The following RFX4 variants were observed in gnomAD, a reference collection of about 807,000 sequenced individuals.
RFX4 encodes the protein regulatory factor X4.
A neutral mutation model predicts 95.0 loss-of-function variants in RFX4; 10 were observed. The ratio of observed to expected loss-of-function variants is 0.11; its 90% CI spans 0.06 to 0.18. RFX4 has a LOEUF of 0.18. Ranked by LOEUF, RFX4 falls within the 10% of genes least tolerant of loss-of-function variation. The probability of loss-of-function intolerance (pLI) is 1.00; values close to 1 mark genes in which losing one functional copy is unlikely to be tolerated. For synonymous variants in RFX4, 321 were observed against 340.7 expected (o/e 0.94, Z 0.64); for missense variants, 640 against 922.0 (o/e 0.69, Z 3.96).
chr12:106,683,963 AGTTG>A (rs2041587802), intron 5 of RFX4, among the ~76,000 whole-genome samples: 1 of 152,200 alleles, frequency 6.6e-6, no homozygotes, highest in African/African-American at 2.4e-5. Flanking sequence ...GATACTCCAA[AGTTG>A]GTCACACCTT....
intron 4 of RFX4, among the ~76,000 whole-genome samples, chr12:106,658,895 C>G (rs2041014494): frequency 6.6e-6 from 1 of 152,102 alleles, no homozygotes; most frequent in South Asian, 2.1e-4. Context: ...AGCTTCTGGC[C>G]AACTCACTGC....
At chr12:106,629,888 C>T (rs772725963) in intron 2 of RFX4, among the ~76,000 whole-genome samples, 4 of 152,178 alleles carry the variant, frequency 2.6e-5, no homozygotes, top group Admixed American at 6.5e-5. Context: ...CCAGGAGGCA[C>T]GGTTCGCTCT....
At chr12:106,687,182 TCACACACACACACACA>T (rs56006444) in intron 6 of RFX4, 85 bp downstream of exon 6, 32 of 547,104 alleles carry the variant, frequency 5.8e-5, no homozygotes, top group East Asian at 3.1e-4. Flanking sequence ...TCTCTCTCTC[TCACACACACACACACA>T]CACACACACA....
chr12:106,684,775 G>A (rs1377454367), intron 5 of RFX4: 8 of 1,488,478 alleles, frequency 5.4e-6, no homozygotes, highest in African/African-American at 4.5e-5. Flanking sequence ...GGCAGACTTC[G>A]CTCAGCACAA....
At chr12:106,693,139 A>T (rs1188892253) in intron 7 of RFX4, 1 of 438,710 alleles carries the variant, frequency 2.3e-6, no homozygotes, top group Non-Finnish European at 4.6e-6. Context: ...TTCATGCCTA[A>T]CTTCCAAGCC....
At chr12:106,758,650 C>T (rs2043153959) in intron 17 of RFX4, among the ~76,000 whole-genome samples, 3 of 152,152 alleles carry the variant, frequency 2.0e-5, no homozygotes, top group Admixed American at 6.5e-5. Flanking sequence ...AGAGCTCTGT[C>T]GGGGAAGAGG....
intron 6 of RFX4, among the ~76,000 whole-genome samples, chr12:106,687,821 C>A (rs4346064): frequency 0.4 from 60,065 of 151,860 alleles, 12,505 homozygotes; most frequent in African/African-American, 0.53. Context: ...TTCTACCTAC[C>A]TACCTGTCCT....
intron 1 of RFX4, among the ~76,000 whole-genome samples, chr12:106,602,020 C>T (rs2137184875): frequency 6.6e-6 from 1 of 152,288 alleles, no homozygotes; most frequent in East Asian, 1.9e-4. Flanking sequence ...ATTATAATAC[C>T]AAACACTCCT....
intron 2 of RFX4, among the ~76,000 whole-genome samples, chr12:106,614,381 G>A (rs544855113): frequency 6.6e-6 from 1 of 151,614 alleles, no homozygotes; most frequent in South Asian, 2.1e-4. Flanking sequence ...GGCTGGTCTC[G>A]AACTCCTGAT....
intron 3 of RFX4, among the ~76,000 whole-genome samples, chr12:106,640,337 G>C (rs555281884): frequency 6.6e-6 from 1 of 152,352 alleles, no homozygotes; most frequent in South Asian, 2.1e-4. Context: ...AGGAAGGATA[G>C]AGAAGAGAGG....
chr12:106,706,693 C>T (rs954821010), intron 8 of RFX4, among the ~76,000 whole-genome samples: 3 of 152,004 alleles, frequency 2.0e-5, no homozygotes, highest in Non-Finnish European at 4.4e-5. Context: ...GGAACAAATA[C>T]CATGATGTTG....
intron 2 of RFX4, among the ~76,000 whole-genome samples, chr12:106,618,541 T>C (rs2040119700): frequency 6.6e-6 from 1 of 152,110 alleles, no homozygotes; most frequent in African/African-American, 2.4e-5. Context: ...CTTTAAAGTC[T>C]ATTTTGTCTG....
rs1399082446 is a variant in RFX4, at chr12:106,720,777, G to C, written c.1252G>C (p.Gly418Arg). ...CVVKVAAKRQ[G>R]SLKKVAQQFL... ...CTTGTAGGTGGCTGCCAAGAGACAAGGGTCCTTGAAGAAAGTGGCCCAGCA... is the reference window on the plus strand; with the variant it reads ...CTTGTAGGTGGCTGCCAAGAGACAACGGTCCTTGAAGAAAGTGGCCCAGCA... Residue 418 changes from glycine (G) to arginine (R), a missense_variant, in exon 13 of 18, where the codon GGG becomes CGG. Gly to Arg is a moderately radical substitution (Grantham distance 125). Transcript: ENST00000392842. This position sits in a 1 kb window ranked among gnomAD's most constrained non-coding sequence, Gnocchi z 4.2. 3 of 1,614,002 alleles carry C rather than the reference G, an allele frequency of 1.9e-6. No homozygotes were observed. Among genetic ancestry groups the C allele is most frequent in the Non-Finnish European group, 1.7e-6 (2 of 1,180,016 alleles).
chr12:106,702,126 T>C (rs540479576), intron 8 of RFX4, among the ~76,000 whole-genome samples: 136 of 152,342 alleles, frequency 8.9e-4, no homozygotes, highest in African/African-American at 3.1e-3. Context: ...GCTTTTAACA[T>C]AGTAATCATA....
chr12:106,689,931 GA>G, intron 7 of RFX4, among the ~76,000 whole-genome samples: 1 of 152,166 alleles, frequency 6.6e-6, no homozygotes, highest in South Asian at 2.1e-4. Flanking sequence ...GAGGAAATGA[GA>G]AAGGATGGGA....
chr12:106,587,323 G>A (rs1429077186), intron 1 of RFX4, among the ~76,000 whole-genome samples: 2 of 152,216 alleles, frequency 1.3e-5, no homozygotes, highest in Non-Finnish European at 2.9e-5. Flanking sequence ...CATGGAGACT[G>A]CTGGAAGTTG....
chr12:106,667,411 C>T (rs779186346), intron 4 of RFX4, among the ~76,000 whole-genome samples: 6 of 152,122 alleles, frequency 3.9e-5, no homozygotes, highest in Non-Finnish European at 8.8e-5. Context: ...CAAAATGGTT[C>T]CTTTACTCCT....
In RFX4 at chr12:106,695,473, G is replaced by A. The variant is rs577132328; in HGVS notation, c.670-810G>A. 2.6e-5 allele frequency among the ~76,000 whole-genome samples: 4 copies of A among 152,238 alleles called. No individual in the cohort carries two copies. In the South Asian group the frequency reaches 8.3e-4, roughly 32 times the overall value. On this transcript the variant is annotated intron_variant, in intron 7 of 17. Coordinates refer to ENST00000392842, the MANE Select transcript of RFX4 (RefSeq NM_213594.3). ...CAGAGGTGTAGGGGAGGCGGCAAGGGGTTCTCTGCTTTGGACATTCACTCT... is the reference window on the plus strand; with the variant it reads ...CAGAGGTGTAGGGGAGGCGGCAAGGAGTTCTCTGCTTTGGACATTCACTCT...
chr12:106,615,207 CT>C (rs1565950864), intron 2 of RFX4, among the ~76,000 whole-genome samples: 1 of 152,016 alleles, frequency 6.6e-6, no homozygotes, highest in Non-Finnish European at 1.5e-5. Flanking sequence ...TAATTTTCAA[CT>C]GATAGAGCAC....
Sources: gnomAD v4.1 joint callset for allele counts (sites outside exome capture counted in the v4.1 genomes callset) on GRCh38, gnomAD v4.1.1 for gene constraint, Gnocchi (gnomAD v3.1) non-coding constraint, MANE v1.5 for transcripts, NCBI Gene and HGNC (gene_info 2026-07-23, HGNC 2026-07-21) for gene names.